NRXN2: variants seen among roughly 807,000 people sequenced by gnomAD.
NRXN2 encodes neurexin 2.
In NRXN2, 29 loss-of-function variants were observed where a neutral mutation model predicts 128.8. The observed-to-expected ratio is 0.23, with a 90% CI of 0.17 to 0.31. The LOEUF (loss-of-function observed/expected upper bound fraction) is 0.31. NRXN2 is among the 10% of genes least tolerant of loss of function. NRXN2 has a pLI of 1.00. For missense variants in NRXN2, 1,881 were observed against 2,452.6 expected (o/e 0.77, Z 4.92); for synonymous variants, 1,098 against 1,075.2 (o/e 1.02, Z -0.41).
Position 64,630,520 on chromosome 11 carries a change from G to A in NRXN2, c.3639C>T (p.Ile1213=), listed in dbSNP as rs1187296519. The change falls in exon 19 of 23, where the codon ATC becomes ATT. Residue 1213 remains isoleucine (I), a synonymous_variant. Transcript: ENST00000265459. This position sits in a 1 kb window ranked among gnomAD's most constrained non-coding sequence, Gnocchi z 4.6. ...IFNVGTDDIT[I]DEPNAIVSDG... is the part of the protein sequence containing the mutation. ...CGCTTACTATGGCGTTGGGCTCGTC[G>A]ATGGTAATGTCGTCCGTGCCCACGT... 6.2e-7 allele frequency: 1 copy of A among 1,614,072 alleles called. No homozygotes were observed. Among genetic ancestry groups the A allele is most frequent in the Non-Finnish European group, 8.5e-7 (1 of 1,180,018 alleles).
chr11:64,639,123 T>G (rs1248527653), intron 17 of NRXN2, among the ~76,000 whole-genome samples: 1 of 152,204 alleles, frequency 6.6e-6, no homozygotes, highest in African/African-American at 2.4e-5. Context: ...TTCTGGAATA[T>G]CTAGACTTGT....
At position 64,620,330 on chromosome 11, in the gene NRXN2, C is replaced by T. The variant is rs1345684020; in HGVS notation, c.4216G>A (p.Asp1406Asn). ...LLVASAECPS[D>N]DEDLEECEPS... Reference sequence around the variant, plus strand: ...TCACACTCCTCCAGGTCCTCATCATCGCTTGGACACTCAGCAGAGGCCACC... The same window carrying T: ...TCACACTCCTCCAGGTCCTCATCATTGCTTGGACACTCAGCAGAGGCCACC... Residue 1406 changes from aspartate (D) to asparagine (N), a missense_variant, in exon 22 of 23, where the codon GAT (aspartate) becomes AAT (asparagine). Around this residue, in one of 7 missense-constraint regions of NRXN2, gnomAD observed 108 missense variants for 165.2 expected, o/e 0.65. Coordinates refer to ENST00000265459, the MANE Select transcript of NRXN2 (RefSeq NM_015080.4). 1.9e-6 allele frequency: 3 copies of T among 1,554,412 alleles called. No individual in the cohort carries two copies. The highest frequency in any genetic ancestry group is 1.2e-5 in the South Asian group (1 of 84,222).
intron 14 of NRXN2, 95 bp from the exon 15 acceptor site, chr11:64,650,733 G>A (rs1274881697): frequency 8.2e-7 from 1 of 1,218,740 alleles, no homozygotes; most frequent in Non-Finnish European, 1.2e-6. Context: ...GGTCCTAGGT[G>A]CCATGGGAAG....
chr11:64,665,606 G>T (rs492175), intron 9 of NRXN2, among the ~76,000 whole-genome samples: 1 of 151,978 alleles, frequency 6.6e-6, no homozygotes, highest in South Asian at 2.1e-4. Flanking sequence ...GCAACACTTC[G>T]AGGATGGAAG....
At chr11:64,688,370 A>C in intron 5 of NRXN2, 1 of 985,438 alleles carries the variant, frequency 1.0e-6, no homozygotes, top group Non-Finnish European at 1.2e-6. Context: ...CTTCGAGAAG[A>C]GGGACAGAAA....
Position 64,667,338 on chromosome 11 carries a change from T to C in NRXN2, c.1710A>G (p.Gly570=). Residue 570 remains glycine, a synonymous_variant, in exon 9 of 23, where the codon GGA becomes GGG. Transcript: ENST00000265459. This position sits in a 1 kb window ranked among gnomAD's most constrained non-coding sequence, Gnocchi z 5.6. The stretch of plus-strand genomic sequence containing the variant: ...ATGCCCGCAGCTTGATGCCCCCAGA[T>C]CCCATGTCCAGCAGAAGATAGAGGT... ...DGHLYLLLDM[G]SGGIKLRASS... 1 of 1,614,060 alleles carries C rather than the reference T, an allele frequency of 6.2e-7. No homozygotes were observed. Among genetic ancestry groups the C allele is most frequent in the Non-Finnish European group, 8.5e-7 (1 of 1,180,008 alleles).
rs1440512616 is a variant in NRXN2 at position 64,713,265 on chromosome 11, C to T, written c.435G>A (p.Gln145=). The change falls in exon 2 of 23, where the codon CAG becomes CAA. Residue 145 remains glutamine (Q), a synonymous_variant. Coordinates refer to ENST00000265459, the MANE Select transcript of NRXN2 (RefSeq NM_015080.4). ...CGCCCACGAACAGGTCGCTGGCCAC[C>T]TGCATCTCGCGCCGCTTGGAGCGCA... ...AEVRSKRREM[Q]VASDLFVGGI... The T allele has an allele frequency of 1.4e-6, 2 of 1,422,616 alleles. No homozygotes were observed. The highest frequency in any genetic ancestry group is 3.1e-5 in the East Asian group (1 of 32,278). The allele number at this position is 1,422,616 out of a possible 1,614,324, so 88.1% of individuals were successfully genotyped here.
Position 64,607,281 on chromosome 11 carries a change from C to T in NRXN2, c.5054G>A (p.Gly1685Glu). 6.2e-7 allele frequency: 1 copy of T among 1,614,010 alleles called. No individual in the cohort carries two copies. Among genetic ancestry groups the T allele is most frequent in the Non-Finnish European group, 8.5e-7 (1 of 1,179,966 alleles). Residue 1685 changes from glycine to glutamate, a missense_variant, in exon 23 of 23, where the codon GGG becomes GAG. Physicochemically the swap from Gly to Glu is moderately conservative, Grantham distance 98. Coordinates refer to ENST00000265459, the MANE Select transcript of NRXN2 (RefSeq NM_015080.4). ...CGGGGCCTTCTCTTTCACCACCGCC[C>T]CATTGCTCTGGGCCGAGTTACTGAT... ...NYISNSAQSN[G>E]AVVKEKAPAA...
In NRXN2 at chr11:64,607,676, G is replaced by A. The variant is rs554953664; in HGVS notation, c.4659C>T (p.Pro1553=). ...CCGGCAGGTTGGGGGCCGGGGCGGAGGGGGCAAACAGCACCCCAGGGGCGC... is the reference window on the plus strand; with the variant it reads ...CCGGCAGGTTGGGGGCCGGGGCGGAAGGGGCAAACAGCACCCCAGGGGCGC... ...ATGAPGVLFA[P]SAPAPNLPAG... The change falls in exon 23 of 23, where the codon CCC becomes CCT. Residue 1553 remains proline, a synonymous_variant. Coordinates refer to ENST00000265459, the MANE Select transcript of NRXN2 (RefSeq NM_015080.4). The A allele has an allele frequency of 3.9e-6, 6 of 1,533,350 alleles. No homozygotes were observed. Among genetic ancestry groups the A allele is most frequent in the East Asian group, 2.4e-5 (1 of 40,882 alleles). 95.0% of individuals were successfully genotyped at this position (1,533,350 alleles called of 1,614,324 possible).
At chr11:64,649,135 C>T (rs2047118358) in intron 15 of NRXN2, among the ~76,000 whole-genome samples, 1 of 152,202 alleles carries the variant, frequency 6.6e-6, no homozygotes, top group African/African-American at 2.4e-5. Context: ...AGCCCAGATG[C>T]CTGGGAGAGT....
At chr11:64,684,489 G>C (rs1490350137) in intron 6 of NRXN2, among the ~76,000 whole-genome samples, 1 of 152,142 alleles carries the variant, frequency 6.6e-6, no homozygotes, top group Non-Finnish European at 1.5e-5. Flanking sequence ...GTAGTGGCAG[G>C]CCTGAGGAAA....
chr11:64,668,671 C>T (rs566738466), intron 7 of NRXN2, 67 bp from the exon 8 acceptor site: 39 of 1,588,822 alleles, frequency 2.5e-5, no homozygotes, highest in Middle Eastern at 1.7e-4. Context: ...GGAAGAGCTA[C>T]GGCTAGGCAA....
intron 2 of NRXN2, chr11:64,712,679 C>G: frequency 1.7e-6 from 1 of 597,032 alleles, no homozygotes; most frequent in South Asian, 1.5e-5. Context: ...TCATGCACCC[C>G]ACCCTCAGCA....
At chr11:64,629,530 C>A (rs144670928) in intron 19 of NRXN2, among the ~76,000 whole-genome samples, 4 of 152,256 alleles carry the variant, frequency 2.6e-5, no homozygotes, top group Non-Finnish European at 5.9e-5. Context: ...TCTGTCTCTG[C>A]CTCCCTCAAT....
At chr11:64,712,105 C>T (rs1308584619) in intron 2 of NRXN2, among the ~76,000 whole-genome samples, 1 of 152,196 alleles carries the variant, frequency 6.6e-6, no homozygotes, top group African/African-American at 2.4e-5. Context: ...AGCCCCGCCA[C>T]ACGGCCTCGC....
chr11:64,646,697 T>C (rs1468518046), intron 17 of NRXN2: 2 of 152,118 alleles, frequency 1.3e-5, no homozygotes, highest in African/African-American at 2.4e-5. Context: ...AAACTATTAG[T>C]GGGGAGTGTT....
chr11:64,704,623 C>CACAGAGAGAG lies in NRXN2; in HGVS notation c.731-6832_731-6831insCTCTCTCTGT, dbSNP rs1336665936. Among the ~76,000 whole-genome samples the CACAGAGAGAG allele has an allele frequency of 3.5e-3, 286 of 81,200 alleles. 2 individuals are homozygous for CACAGAGAGAG. Among genetic ancestry groups the CACAGAGAGAG allele is most frequent in the African/African-American group, 4.9e-3 (103 of 21,180 alleles). The allele number at this position is 81,200 out of a possible 152,430, so 53.3% of individuals were successfully genotyped here. ...TCACACACACACACACACACACACA[C>CACAGAGAGAG]AGAGAGAGAGAGAGAGAGAGAGAGA... On this transcript the variant is annotated intron_variant, in intron 2 of 22. Coordinates refer to ENST00000265459, the MANE Select transcript of NRXN2 (RefSeq NM_015080.4).
At chr11:64,709,407 G>A (rs1175735445) in intron 2 of NRXN2, among the ~76,000 whole-genome samples, 1 of 151,948 alleles carries the variant, frequency 6.6e-6, no homozygotes, top group Non-Finnish European at 1.5e-5. Context: ...TTGACTGGAT[G>A]AGAAAGTACT....
At chr11:64,661,461 TGAGCTCGGAAA>T in intron 9 of NRXN2, 1 of 1,208,142 alleles carries the variant, frequency 8.3e-7, no homozygotes. Context: ...GCCGAAATCT[TGAGCTCGGAAA>T]GGGTTGGATC....
Sources: gnomAD v4.1 joint callset for allele counts (sites outside exome capture counted in the v4.1 genomes callset) on GRCh38, gnomAD v4.1.1 for gene constraint, gnomAD v4.1.1 regional missense constraint, Gnocchi (gnomAD v3.1) non-coding constraint, MANE v1.5 for transcripts, NCBI Gene and HGNC (gene_info 2026-07-23, HGNC 2026-07-21) for gene names.